DBT: variants seen among roughly 807,000 people sequenced by gnomAD.
The protein encoded by DBT is lipoamide acyltransferase component of branched-chain alpha-keto acid dehydrogenase complex, mitochondrial.
A neutral mutation model predicts 51.3 loss-of-function variants in DBT; 40 were observed. The observed-to-expected ratio is 0.78, with a 90% CI of 0.61 to 1.02. The LOEUF (loss-of-function observed/expected upper bound fraction) is 1.02, where lower values mean the gene tolerates loss of function less well. Among genes scored for constraint, DBT ranks in the 50% least tolerant of loss-of-function variants. The pLI, the probability that DBT is intolerant of heterozygous loss-of-function variation, is 0.00. For missense variants in DBT, 510 were observed against 580.2 expected (o/e 0.88, Z 1.24); for synonymous variants, 181 against 190.4 (o/e 0.95, Z 0.41).
At chr1:100,213,624 C>T (rs909761364) in intron 7 of DBT, 3 of 1,607,040 alleles carry the variant, frequency 1.9e-6, no homozygotes, top group Middle Eastern at 2.0e-4. Flanking sequence ...TGCTGTTTTG[C>T]CTTGAGGGAG....
At chr1:100,245,512 T>A (rs1408020120) in intron 1 of DBT, among the ~76,000 whole-genome samples, 1 of 152,256 alleles carries the variant, frequency 6.6e-6, no homozygotes, top group African/African-American at 2.4e-5. Flanking sequence ...CCAATTTGCC[T>A]GAGGTGACAC....
chr1:100,234,108 A>G (rs1663715431), intron 3 of DBT, among the ~76,000 whole-genome samples: 1 of 152,172 alleles, frequency 6.6e-6, no homozygotes, highest in African/African-American at 2.4e-5. Context: ...TTGAAGAGGA[A>G]CCTCTACTTT....
At chr1:100,249,610 C>T (rs1293612668) in intron 1 of DBT, among the ~76,000 whole-genome samples, 160 bp downstream of exon 1, 1 of 152,132 alleles carries the variant, frequency 6.6e-6, no homozygotes, top group Admixed American at 6.5e-5. Flanking sequence ...GACTGGTCGA[C>T]TCGCTCCGTT....
intron 7 of DBT, chr1:100,213,166 C>T (rs1662253699): frequency 2.3e-6 from 1 of 443,482 alleles, no homozygotes; most frequent in Non-Finnish European, 3.7e-6. Context: ...GTAATATTTA[C>T]ATGTCAGGGT....
chr1:100,211,088 T>C (rs1187468396), intron 7 of DBT: 1 of 779,042 alleles, frequency 1.3e-6, no homozygotes, highest in Non-Finnish European at 2.4e-6. Flanking sequence ...ATTTCCTCAC[T>C]GACATGTTGA....
Position 100,195,926 on chromosome 1 carries a change from A to G in DBT, c.*329T>C, listed in dbSNP as rs1239957542. 1 of 317,368 alleles carries G rather than the reference A, an allele frequency of 3.2e-6. No homozygotes were observed. Among genetic ancestry groups the G allele is most frequent in the East Asian group, 8.2e-5 (1 of 12,260 alleles). 19.7% of individuals were successfully genotyped at this position (317,368 alleles called of 1,614,324 possible). On this transcript the variant is annotated 3_prime_UTR_variant, in exon 11 of 11. Coordinates refer to ENST00000370132, the MANE Select transcript of DBT (RefSeq NM_001918.5). ...GTGATCCGCCCACCTGGGCCTCCCA[A>G]AGTGCTGGGATTACAGGCGTGAGCC...
intron 1 of DBT, among the ~76,000 whole-genome samples, chr1:100,241,646 C>G (rs1205350506): frequency 1.3e-5 from 2 of 152,190 alleles, no homozygotes; most frequent in East Asian, 3.9e-4. Flanking sequence ...ATCCTCCCAC[C>G]TCAGCCTCCC....
At chr1:100,243,927 T>C (rs932851647) in intron 1 of DBT, among the ~76,000 whole-genome samples, 24 of 121,918 alleles carry the variant, frequency 2.0e-4, no homozygotes, top group Non-Finnish European at 2.1e-4. Context: ...TTTAATATAG[T>C]CCATAGGTTT....
intron 3 of DBT, among the ~76,000 whole-genome samples, chr1:100,234,394 G>A (rs1013593315): frequency 3.3e-5 from 5 of 151,624 alleles, no homozygotes; most frequent in Admixed American, 2.0e-4. Context: ...CCAACACTTC[G>A]GAAGGCCCAG....
rs1445316183 is a variant in DBT at position 100,195,443 on chromosome 1, T to C, written c.*812A>G. 1 of 152,542 alleles carries C rather than the reference T, an allele frequency of 6.6e-6. No individual in the cohort carries two copies. Among genetic ancestry groups the C allele is most frequent in the African/African-American group, 2.4e-5 (1 of 41,458 alleles). 9.4% of individuals were successfully genotyped at this position (152,542 alleles called of 1,614,324 possible). ...ATATAAATAAGACACTATCAGATGA[T>C]ATTCTCTATACAGAGCAAGAATATA... is the stretch of plus-strand genomic sequence containing the variant. On this transcript the variant is annotated 3_prime_UTR_variant, in exon 11 of 11. Coordinates refer to ENST00000370132, the MANE Select transcript of DBT (RefSeq NM_001918.5).
Position 100,195,915 on chromosome 1 carries a change from T to C in DBT, c.*340A>G. ...TCTAACCTCAGGTGATCCGCCCACC[T>C]GGGCCTCCCAAAGTGCTGGGATTAC... On this transcript the variant is annotated 3_prime_UTR_variant, in exon 11 of 11. Transcript: ENST00000370132. The C allele has an allele frequency of 3.2e-6, 1 of 309,296 alleles. No individual in the cohort carries two copies. Among genetic ancestry groups the C allele is most frequent in the East Asian group, 8.5e-5 (1 of 11,780 alleles). The allele number at this position is 309,296 out of a possible 1,614,324, so 19.2% of individuals were successfully genotyped here.
At chr1:100,207,285 T>G (rs1395560902) in intron 8 of DBT, among the ~76,000 whole-genome samples, 9 of 152,134 alleles carry the variant, frequency 5.9e-5, no homozygotes, top group Non-Finnish European at 1.2e-4. Context: ...TCACCCTGAG[T>G]CAAGATCCAT....
chr1:100,240,957 A>T lies in DBT; in HGVS notation c.52-73T>A, dbSNP rs1383336059. On this transcript the variant is annotated intron_variant, in intron 1 of 10. Coordinates refer to ENST00000370132, the MANE Select transcript of DBT (RefSeq NM_001918.5). ...CGGCTTATCTCTAAGTATAAATTGA[A>T]TTTCAATTCCATTCTAAAAGTAGAA... The T allele has an allele frequency of 2.2e-6, 3 of 1,375,928 alleles. No individual in the cohort carries two copies. The African/African-American group carries it at 4.3e-5, about 20-fold the overall frequency. 85.2% of individuals were successfully genotyped at this position (1,375,928 alleles called of 1,614,324 possible). A position where few individuals can be genotyped will look rare whatever the true frequency, so the allele number is the denominator to read the frequency against.
At chr1:100,237,988 AAAG>A (rs1364012464) in intron 2 of DBT, among the ~76,000 whole-genome samples, 1 of 152,184 alleles carries the variant, frequency 6.6e-6, no homozygotes, top group Non-Finnish European at 1.5e-5. Context: ...AGCCATTTGA[AAAG>A]AAGGCAGATT....
At chr1:100,198,194 T>C (rs779473717) in intron 10 of DBT, among the ~76,000 whole-genome samples, 2 of 152,214 alleles carry the variant, frequency 1.3e-5, no homozygotes, top group Non-Finnish European at 2.9e-5. Flanking sequence ...TAAAAATTAA[T>C]GAAATTCTGA....
At chr1:100,213,571 G>T in intron 7 of DBT, 1 of 1,588,430 alleles carries the variant, frequency 6.3e-7, no homozygotes, top group South Asian at 1.1e-5. Context: ...TCACCTTCCT[G>T]GGCATCTTCC....
At chr1:100,240,135 G>A (rs1305872785) in intron 2 of DBT, among the ~76,000 whole-genome samples, 1 of 152,208 alleles carries the variant, frequency 6.6e-6, no homozygotes, top group Non-Finnish European at 1.5e-5. Context: ...AATGGTGAAA[G>A]TCAGGGAACT....
rs955463849 is a variant in DBT at position 100,193,986 on chromosome 1, AAAT to A, written c.*2266_*2268del. On this transcript the variant is annotated 3_prime_UTR_variant, in exon 11 of 11. Coordinates refer to ENST00000370132, the MANE Select transcript of DBT (RefSeq NM_001918.5). ...AATATAATGTTAAATTTTAAAAATC[AAAT>A]AATAAAATAGTAGATATGCTATGAT... 1 of 152,246 alleles carries A rather than the reference AAAT, an allele frequency of 6.6e-6. No individual in the cohort carries two copies. The highest frequency in any genetic ancestry group is 2.4e-5 in the African/African-American group (1 of 41,458). The allele number at this position is 152,246 out of a possible 1,614,324, so 9.4% of individuals were successfully genotyped here. A position where few individuals can be genotyped will look rare whatever the true frequency, so the allele number is the denominator to read the frequency against.
In DBT at chr1:100,194,979, G is replaced by T. The variant is rs1661007091; in HGVS notation, c.*1276C>A. ...ATACATTCATCTCGTTGCTATTTCT[G>T]ATTAAAGTAGACCTTTAACAAAATG... On this transcript the variant is annotated 3_prime_UTR_variant, in exon 11 of 11. Transcript: ENST00000370132. 1 of 152,066 alleles carries T rather than the reference G, an allele frequency of 6.6e-6. No homozygotes were observed. The highest frequency in any genetic ancestry group is 2.4e-5 in the African/African-American group (1 of 41,400). 9.4% of individuals were successfully genotyped at this position (152,066 alleles called of 1,614,324 possible).
Sources: allele counts gnomAD v4.1 joint callset (sites outside exome capture counted in the v4.1 genomes callset), GRCh38; gene constraint gnomAD v4.1.1; transcripts MANE v1.5; gene names NCBI Gene and HGNC (gene_info 2026-07-23, HGNC 2026-07-21).